Variants in HHAT observed in about 807,000 individuals in gnomAD.
HHAT encodes hedgehog acyltransferase, also known as protein-cysteine N-palmitoyltransferase HHAT.
HHAT carries 47 observed loss-of-function variants against 70.8 expected under a neutral mutation model. The ratio of observed to expected loss-of-function variants is 0.66; its 90% CI spans 0.53 to 0.85. The LOEUF (loss-of-function observed/expected upper bound fraction) is 0.85, where lower values mean the gene tolerates loss of function less well. Among genes scored for constraint, HHAT ranks in the 40% least tolerant of loss-of-function variants. The pLI is 0.00. For missense variants in HHAT, 609 were observed against 604.8 expected (o/e 1.01, Z -0.07); for synonymous variants, 228 against 247.6 (o/e 0.92, Z 0.74).
At chr1:210,414,353 A>G (rs1405952273) in intron 6 of HHAT, among the ~76,000 whole-genome samples, 5 of 152,156 alleles carry the variant, frequency 3.3e-5, no homozygotes, top group African/African-American at 1.2e-4. Context: ...GGGCACAAAC[A>G]TGCAGACCAT....
intron 11 of HHAT, among the ~76,000 whole-genome samples, chr1:210,653,341 G>C (rs1675585859): frequency 6.6e-6 from 1 of 152,088 alleles, no homozygotes; most frequent in Admixed American, 6.6e-5. Context: ...CCAGGAGTTT[G>C]AGACCAGCCT....
intron 8 of HHAT, among the ~76,000 whole-genome samples, chr1:210,498,394 G>C (rs2094690996): frequency 6.6e-6 from 1 of 152,124 alleles, no homozygotes; most frequent in African/African-American, 2.4e-5. Flanking sequence ...AAAAATCCCT[G>C]TAGCATTTTT....
intron 4 of HHAT, among the ~76,000 whole-genome samples, chr1:210,388,185 G>A (rs1485815920): frequency 6.6e-6 from 1 of 152,202 alleles, no homozygotes; most frequent in Non-Finnish European, 1.5e-5. Flanking sequence ...ATTGCCCAGA[G>A]GCCTCTGATA....
chr1:210,517,733 T>C (rs1165936313), intron 9 of HHAT, among the ~76,000 whole-genome samples: 1 of 152,230 alleles, frequency 6.6e-6, no homozygotes, highest in African/African-American at 2.4e-5. Context: ...AAGAAATGCA[T>C]GTGTTAATTA....
intron 9 of HHAT, among the ~76,000 whole-genome samples, chr1:210,537,882 G>C (rs1032616710): frequency 6.6e-6 from 1 of 152,124 alleles, no homozygotes; most frequent in Admixed American, 6.5e-5. Context: ...TGAGAAACTC[G>C]AGTCATTTGA....
At chr1:210,524,225 T>G (rs547191770) in intron 9 of HHAT, among the ~76,000 whole-genome samples, 3 of 152,342 alleles carry the variant, frequency 2.0e-5, no homozygotes, top group South Asian at 4.1e-4. Context: ...GTTAACAGGT[T>G]AGATCTCACA....
intron 3 of HHAT, among the ~76,000 whole-genome samples, chr1:210,386,489 C>T (rs190371430): frequency 0.012 from 1,857 of 151,758 alleles, 13 homozygotes; most frequent in Non-Finnish European, 0.02. Flanking sequence ...CCGCCCGCCT[C>T]GGCCTCCCAA....
At chr1:210,580,892 A>G (rs1484325945) in intron 9 of HHAT, among the ~76,000 whole-genome samples, 1 of 152,196 alleles carries the variant, frequency 6.6e-6, no homozygotes, top group East Asian at 1.9e-4. Flanking sequence ...ATCCTCGAAG[A>G]ATTGCCATAC....
At chr1:210,576,787 T>C (rs965269919) in intron 9 of HHAT, among the ~76,000 whole-genome samples, 4 of 152,190 alleles carry the variant, frequency 2.6e-5, no homozygotes, top group Non-Finnish European at 5.9e-5. Context: ...AGTGTTAAAA[T>C]CTCCAAAGCA....
intron 1 of HHAT, 92 bp downstream of exon 1, chr1:210,329,196 CG>C: frequency 8.2e-7 from 1 of 1,222,890 alleles, no homozygotes. Context: ...ATGCACAAAA[CG>C]CTTTCCGTTT....
At chr1:210,484,970 A>C (rs2094452676) in intron 8 of HHAT, among the ~76,000 whole-genome samples, 1 of 151,978 alleles carries the variant, frequency 6.6e-6, no homozygotes, top group African/African-American at 2.4e-5. Context: ...TCCATACATA[A>C]ATTTGGGGTC....
At chr1:210,364,441 A>G (rs192648391) in intron 3 of HHAT, among the ~76,000 whole-genome samples, 26 of 152,288 alleles carry the variant, frequency 1.7e-4, no homozygotes, top group African/African-American at 5.5e-4. Flanking sequence ...TTCCTTTTAG[A>G]GTTAAAATTC....
intron 10 of HHAT, among the ~76,000 whole-genome samples, chr1:210,614,657 C>G (rs186216113): frequency 6.6e-6 from 1 of 151,946 alleles, no homozygotes; most frequent in African/African-American, 2.4e-5. Context: ...TGAGAACATG[C>G]GGTGTTTGGT....
chr1:210,647,195 A>G (rs1187272409), intron 11 of HHAT, among the ~76,000 whole-genome samples: 1 of 152,168 alleles, frequency 6.6e-6, no homozygotes, highest in Non-Finnish European at 1.5e-5. Context: ...TTGTAGCTAC[A>G]TCACTCCTAT....
chr1:210,389,525 C>G (rs558053435), intron 4 of HHAT, among the ~76,000 whole-genome samples: 2 of 152,162 alleles, frequency 1.3e-5, no homozygotes, highest in Non-Finnish European at 2.9e-5. Context: ...GCAGACTTCC[C>G]CCTTATTGTT....
chr1:210,542,574 G>T (rs1017059776), intron 9 of HHAT, among the ~76,000 whole-genome samples: 1 of 151,834 alleles, frequency 6.6e-6, no homozygotes, highest in African/African-American at 2.4e-5. Flanking sequence ...GAGTTGGGAG[G>T]ATTGCTTGAG....
In HHAT at chr1:210,403,099, C is replaced by T. The variant is rs1572181487; in HGVS notation, c.469-1365C>T. On this transcript the variant is annotated intron_variant, in intron 5 of 11. Transcript: ENST00000261458. ...TGAAAATTGTAGCATTTTGAAAGTTCAAGTATTTTTTGCTGTTTTTAGTCT... is the reference window on the plus strand; with the variant it reads ...TGAAAATTGTAGCATTTTGAAAGTTTAAGTATTTTTTGCTGTTTTTAGTCT... Among the ~76,000 whole-genome samples the T allele has an allele frequency of 2.0e-5, 3 of 152,186 alleles. No homozygotes were observed. The South Asian group carries it at 6.2e-4, about 32-fold the overall frequency.
intron 10 of HHAT, among the ~76,000 whole-genome samples, chr1:210,594,446 ACACTTT>A (rs1247452869): frequency 6.6e-6 from 1 of 152,034 alleles, no homozygotes; most frequent in African/African-American, 2.4e-5. Context: ...TAAAAACTCT[ACACTTT>A]AACTTTGTTT....
intron 6 of HHAT, among the ~76,000 whole-genome samples, chr1:210,411,782 C>G (rs917168147): frequency 1.3e-5 from 2 of 152,114 alleles, no homozygotes; most frequent in Admixed American, 6.5e-5. Context: ...AAAGACCTGT[C>G]CATTGGTCTA....
Sources: gnomAD v4.1 joint callset for allele counts (sites outside exome capture counted in the v4.1 genomes callset) on GRCh38, gnomAD v4.1.1 for gene constraint, MANE v1.5 for transcripts, NCBI Gene and HGNC (gene_info 2026-07-23, HGNC 2026-07-21) for gene names.